The following MTMR8 variants were observed in gnomAD, a reference collection of about 807,000 sequenced individuals.
MTMR8 encodes phosphatidylinositol-3,5-bisphosphate 3-phosphatase MTMR8.
A neutral mutation model predicts 39.3 loss-of-function variants in MTMR8; 65 were observed. The observed-to-expected ratio is 1.65, with a 90% CI of 1.35 to 2.03. The LOEUF (loss-of-function observed/expected upper bound fraction) is 2.03. MTMR8 is among the 30% of genes most tolerant of loss of function. The pLI is 0.00. For missense variants in MTMR8, 777 were observed against 538.9 expected, an observed-to-expected ratio of 1.44 and a Z score of -4.37; for synonymous variants, 245 against 185.2, an observed-to-expected ratio of 1.32 and a Z score of -2.62.
intron 12 of MTMR8, among the ~76,000 whole-genome samples, chrX:64,283,002 C>T (rs370953395): frequency 3.4e-4 from 38 of 111,594 alleles, no homozygotes; most frequent in South Asian, 3.4e-3. Context: ...TGCAGCCCAC[C>T]GACTGAGCTG....
intron 1 of MTMR8, among the ~76,000 whole-genome samples, chrX:64,384,406 G>A (rs904101491): frequency 9.0e-6 from 1 of 111,577 alleles, no homozygotes; most frequent in Non-Finnish European, 1.9e-5. Context: ...TGCCCTGGTG[G>A]AGACTCTGTG....
intron 12 of MTMR8, among the ~76,000 whole-genome samples, chrX:64,322,360 A>C (rs1320055009): frequency 9.0e-6 from 1 of 111,057 alleles, no homozygotes; most frequent in Non-Finnish European, 1.9e-5. Flanking sequence ...TTGGCCAGGG[A>C]TATTCCTTTT....
chrX:64,269,158 C>A, intron 13 of MTMR8, 115 bp from the exon 14 acceptor site: 1 of 745,564 alleles, frequency 1.3e-6, no homozygotes, highest in East Asian at 3.3e-5. Flanking sequence ...TAGCAAATGA[C>A]CTTTTGCTCA....
rs770153690 is a variant in MTMR8, at chrX:64,349,694, G to GA, written c.597+247dup. Among the ~76,000 whole-genome samples the GA allele has an allele frequency of 6.7e-4, 74 of 111,050 alleles. No individual in the cohort carries two copies. The East Asian group carries it at 0.013, about 19-fold the overall frequency. ...CACAAAGCTGGATCCCACAGAAAAG[G>GA]AAAAAAAGAAAAAGAAATAAACATA... On this transcript the variant is annotated intron_variant, in intron 5 of 13. Coordinates refer to ENST00000374852, the MANE Select transcript of MTMR8 (RefSeq NM_017677.4).
intron 1 of MTMR8, among the ~76,000 whole-genome samples, chrX:64,390,170 A>G (rs1924658306): frequency 8.9e-6 from 1 of 112,225 alleles, no homozygotes; most frequent in African/African-American, 3.2e-5. Context: ...GGGAGGAAGC[A>G]ATTATGCTAA....
chrX:64,338,053 A>G (rs1204859372), intron 8 of MTMR8, among the ~76,000 whole-genome samples: 1 of 112,033 alleles, frequency 8.9e-6, no homozygotes, highest in African/African-American at 3.2e-5. Flanking sequence ...GGGTGACCGA[A>G]AATAAATAAA....
intron 1 of MTMR8, among the ~76,000 whole-genome samples, chrX:64,370,057 GA>G (rs907830177): frequency 3.6e-5 from 4 of 110,658 alleles, no homozygotes; most frequent in African/African-American, 1.3e-4. Context: ...AGTGGAATGG[GA>G]AAAAAATGGG....
At chrX:64,360,509 C>A (rs188223584) in intron 1 of MTMR8, 118 of 134,509 alleles carry the variant, frequency 8.8e-4, no homozygotes, top group Non-Finnish European at 1.5e-3. Context: ...TTCAAGACAA[C>A]AAAAAAAAAT....
At chrX:64,303,013 T>C (rs969990755) in intron 12 of MTMR8, among the ~76,000 whole-genome samples, 1 of 112,524 alleles carries the variant, frequency 8.9e-6, no homozygotes, top group African/African-American at 3.2e-5. Flanking sequence ...CAGGTGCAAA[T>C]CTGTCAAAGG....
chrX:64,339,800 G>A (rs1219436800), intron 8 of MTMR8, among the ~76,000 whole-genome samples: 1 of 110,124 alleles, frequency 9.1e-6, no homozygotes, highest in Admixed American at 9.7e-5. Context: ...AGATAGCAAA[G>A]AAGTCGGTAA....
intron 13 of MTMR8, among the ~76,000 whole-genome samples, chrX:64,270,167 A>C (rs773678622): frequency 8.9e-6 from 1 of 111,797 alleles, no homozygotes; most frequent in East Asian, 2.8e-4. Context: ...ACCTTTAAAA[A>C]AAATGGAACC....
chrX:64,305,199 T>C (rs1171828333), intron 12 of MTMR8: 1 of 176,429 alleles, frequency 5.7e-6, no homozygotes, highest in African/African-American at 3.2e-5. Context: ...TGTCTCCATT[T>C]TTATGATTTT....
intron 1 of MTMR8, 56 bp downstream of exon 1, chrX:64,395,284 G>A (rs1924791135): frequency 8.5e-7 from 1 of 1,170,224 alleles, no homozygotes; most frequent in African/African-American, 1.7e-5. Flanking sequence ...TGGGCTCCCA[G>A]GTGAGCACCA....
chrX:64,303,166 AT>A (rs780931870), intron 12 of MTMR8, among the ~76,000 whole-genome samples: 24 of 110,720 alleles, frequency 2.2e-4, no homozygotes, highest in African/African-American at 4.6e-4. Context: ...TATTGTAACC[AT>A]TTTTTTTTAT....
At chrX:64,275,800 C>T (rs939338442) in intron 12 of MTMR8, among the ~76,000 whole-genome samples, 13 of 110,034 alleles carry the variant, frequency 1.2e-4, no homozygotes, top group Non-Finnish European at 1.9e-4. Context: ...ATATTACAAC[C>T]GATGCAACAA....
chrX:64,304,523 A>C (rs1264900936), intron 12 of MTMR8, among the ~76,000 whole-genome samples: 1 of 110,805 alleles, frequency 9.0e-6, no homozygotes, highest in Admixed American at 9.7e-5. Flanking sequence ...GCCTAGGCTC[A>C]TTTTCCTTTT....
intron 12 of MTMR8, among the ~76,000 whole-genome samples, chrX:64,313,732 T>C (rs1478122549): frequency 8.9e-6 from 1 of 112,694 alleles, no homozygotes; most frequent in African/African-American, 3.2e-5. Flanking sequence ...TCCAGAAGAC[T>C]GAAAAGATGG....
At chrX:64,321,231 G>A (rs1487192882) in intron 12 of MTMR8, among the ~76,000 whole-genome samples, 2 of 111,899 alleles carry the variant, frequency 1.8e-5, no homozygotes, top group Non-Finnish European at 3.8e-5. Flanking sequence ...AACTGTTTAT[G>A]AGGAAACCCA....
At chrX:64,373,299 G>C (rs1167751961) in intron 1 of MTMR8, among the ~76,000 whole-genome samples, 1 of 111,476 alleles carries the variant, frequency 9.0e-6, no homozygotes, top group African/African-American at 3.3e-5. Context: ...TGTTAAAGGA[G>C]GGGCCCAGTG....
Sources: gnomAD v4.1 joint callset for allele counts (sites outside exome capture counted in the v4.1 genomes callset) on GRCh38, gnomAD v4.1.1 for gene constraint, MANE v1.5 for transcripts, NCBI Gene and HGNC (gene_info 2026-07-23, HGNC 2026-07-21) for gene names.